Variants in TDRD12 observed in about 807,000 individuals in gnomAD.
TDRD12 encodes putative ATP-dependent RNA helicase TDRD12.
TDRD12 carries 158 observed loss-of-function variants against 133.5 expected under a neutral mutation model. That is an observed-to-expected ratio of 1.18 (90% CI 1.04 to 1.35). The LOEUF is 1.35. TDRD12 is among the 40% of genes most tolerant of loss of function. The pLI is 0.00. For synonymous variants in TDRD12, 460 were observed against 477.9 expected, an observed-to-expected ratio of 0.96 and a Z score of 0.49; for missense variants, 1,443 against 1,321.3, an observed-to-expected ratio of 1.09 and a Z score of -1.43.
intron 24 of TDRD12, among the ~76,000 whole-genome samples, chr19:32,812,307 T>C (rs1967034349): frequency 6.6e-6 from 1 of 152,222 alleles, no homozygotes; most frequent in Non-Finnish European, 1.5e-5. Context: ...CAGCCAGTCC[T>C]GCCCATCACT....
At chr19:32,813,886 A>T in intron 25 of TDRD12, 110 bp downstream of exon 25, 1 of 663,278 alleles carries the variant, frequency 1.5e-6, no homozygotes, top group Non-Finnish European at 2.5e-6. Context: ...ACGGTGACTT[A>T]TTTGGGGATT....
At chr19:32,723,144 C>T (rs1363923604) in intron 1 of TDRD12, among the ~76,000 whole-genome samples, 1 of 152,162 alleles carries the variant, frequency 6.6e-6, no homozygotes, top group Non-Finnish European at 1.5e-5. Context: ...TATCCGTCCT[C>T]CTTTGTGTCT....
chr19:32,817,158 CT>C (rs1180774048), intron 26 of TDRD12, among the ~76,000 whole-genome samples: 1 of 152,172 alleles, frequency 6.6e-6, no homozygotes. Flanking sequence ...CATTTAAACT[CT>C]TTTTAAGTGT....
intron 20 of TDRD12, 34 bp from the exon 21 acceptor site, chr19:32,802,888 T>G: frequency 6.5e-7 from 1 of 1,529,094 alleles, no homozygotes; most frequent in Non-Finnish European, 8.8e-7. Context: ...CTGGGATAGA[T>G]GATCCACTTC....
At chr19:32,821,547 C>G (rs1021841139), downstream of TDRD12, among the ~76,000 whole-genome samples, 5 of 152,154 alleles carry the variant, frequency 3.3e-5, no homozygotes, top group African/African-American at 1.2e-4. Context: ...AGAATACATT[C>G]TTTTATTTTA....
chr19:32,720,391 C>G (rs1313556170), intron 1 of TDRD12, among the ~76,000 whole-genome samples: 9 of 58,720 alleles, frequency 1.5e-4, no homozygotes. Context: ...CACACATCCT[C>G]CCACACCCAC....
intron 11 of TDRD12, among the ~76,000 whole-genome samples, chr19:32,783,270 C>T (rs891909238): frequency 1.6e-4 from 24 of 152,004 alleles, no homozygotes; most frequent in African/African-American, 4.1e-4. Context: ...GATAAGATGG[C>T]GGTAGATGTG....
At chr19:32,758,088 G>A (rs1970047994) in intron 8 of TDRD12, among the ~76,000 whole-genome samples, 1 of 152,166 alleles carries the variant, frequency 6.6e-6, no homozygotes, top group African/African-American at 2.4e-5. Flanking sequence ...CAGCCCATCT[G>A]TGCTATAGAT....
At chr19:32,769,851 G>C (rs374189118) in intron 8 of TDRD12, among the ~76,000 whole-genome samples, 1 of 152,114 alleles carries the variant, frequency 6.6e-6, no homozygotes, top group African/African-American at 2.4e-5. Context: ...GATCAGGCTG[G>C]TCTCGAACTC....
intron 1 of TDRD12, among the ~76,000 whole-genome samples, chr19:32,724,596 T>G (rs1968800291): frequency 6.6e-6 from 1 of 152,252 alleles, no homozygotes; most frequent in African/African-American, 2.4e-5. Flanking sequence ...GGTGTATATG[T>G]ACCAAATTTT....
chr19:32,769,326 A>G (rs1308549792), intron 8 of TDRD12, among the ~76,000 whole-genome samples: 1 of 152,178 alleles, frequency 6.6e-6, no homozygotes, highest in Non-Finnish European at 1.5e-5. Flanking sequence ...CCATGTGGGC[A>G]TCCAGTTGTT....
chr19:32,819,359 T>A (rs958058340), intron 27 of TDRD12, among the ~76,000 whole-genome samples: 4 of 151,636 alleles, frequency 2.6e-5, no homozygotes, highest in Non-Finnish European at 2.9e-5. Context: ...TGATCTAAAG[T>A]TTTTTAGTTT....
chr19:32,733,878 AT>A (rs1422456642), intron 2 of TDRD12, among the ~76,000 whole-genome samples: 4 of 150,120 alleles, frequency 2.7e-5, no homozygotes, highest in Admixed American at 1.3e-4. Flanking sequence ...TTTTTAATTT[AT>A]TTTTTTAATT....
At chr19:32,827,908 T>C (rs558041959) in exon 10 of TDRD12, 3 of 152,240 alleles carry the variant, frequency 2.0e-5, no homozygotes, top group Non-Finnish European at 4.4e-5. Context: ...ATCTGGGTGA[T>C]GAAATGCACT....
chr19:32,746,490 G>C (rs113645912), intron 4 of TDRD12, among the ~76,000 whole-genome samples: 5 of 111,216 alleles, frequency 4.5e-5, no homozygotes, highest in African/African-American at 1.8e-4. Flanking sequence ...GTGACAGAGA[G>C]GGGGAGAGAG....
intron 20 of TDRD12, 48 bp from the exon 21 acceptor site, chr19:32,802,874 C>A (rs1002620087): frequency 2.0e-6 from 3 of 1,526,802 alleles, no homozygotes; most frequent in African/African-American, 2.7e-5. Flanking sequence ...TTTCCTCAGT[C>A]AGACTGGGAT....
intron 8 of TDRD12, among the ~76,000 whole-genome samples, chr19:32,768,769 T>C (rs995391323): frequency 1.3e-5 from 2 of 152,188 alleles, no homozygotes; most frequent in Non-Finnish European, 2.9e-5. Flanking sequence ...CTCATTGCAA[T>C]GGCAGAGGTG....
At chr19:32,777,857 A>T (rs988352805) in intron 11 of TDRD12, among the ~76,000 whole-genome samples, 251 of 20,042 alleles carry the variant, frequency 0.013, 2 homozygotes, top group Admixed American at 0.018. Flanking sequence ...ATATATATAT[A>T]TTTTTTTTTT....
At chr19:32,730,594 T>C (rs1219694184) in intron 1 of TDRD12, among the ~76,000 whole-genome samples, 1 of 152,198 alleles carries the variant, frequency 6.6e-6, no homozygotes, top group Non-Finnish European at 1.5e-5. Context: ...TGTTCAAACC[T>C]TCAGAAAAGT....
Sources: allele counts gnomAD v4.1 joint callset (sites outside exome capture counted in the v4.1 genomes callset), GRCh38; gene constraint gnomAD v4.1.1; transcripts MANE v1.5; gene names NCBI Gene and HGNC (gene_info 2026-07-23, HGNC 2026-07-21).